The following DNAH12 variants were observed in gnomAD, a reference collection of about 807,000 sequenced individuals.
The protein encoded by DNAH12 is dynein axonemal heavy chain 12, also known as axonemal beta dynein heavy chain 12.
A neutral mutation model predicts 371.5 loss-of-function variants in DNAH12; 285 were observed. That is an observed-to-expected ratio of 0.77 (90% CI 0.70 to 0.85). The LOEUF is 0.85. Among genes scored for constraint, DNAH12 ranks in the 40% least tolerant of loss-of-function variants. The pLI, the probability that DNAH12 is intolerant of heterozygous loss-of-function variation, is 0.00. For missense variants in DNAH12, 3,611 were observed against 3,689.4 expected, an observed-to-expected ratio of 0.98 and a Z score of 0.55; for synonymous variants, 1,200 against 1,213.0, an observed-to-expected ratio of 0.99 and a Z score of 0.22.
chr3:57,352,147 G>T lies in DNAH12; in HGVS notation c.9612C>A (p.Cys3204Ter). The T allele has an allele frequency of 6.5e-7, 1 of 1,542,754 alleles. No homozygotes were observed. The highest frequency in any genetic ancestry group is 1.2e-5 in the South Asian group (1 of 80,644). Residue 3204 changes from cysteine to a stop codon, truncating the protein, a stop_gained, in exon 60 of 74, where the codon TGC becomes TGA. Transcript: ENST00000495027. LOFTEE classifies it high-confidence loss of function. The stretch of plus-strand genomic sequence containing the variant: ...GCTTGTCCTTCTCAAATAGTGATCG[G>T]CATATATTACAATATAAGTTGTATG... ...HFTYNLYCNI[C>*]RSLFEKDKLL...
intron 62 of DNAH12, among the ~76,000 whole-genome samples, chr3:57,331,874 C>T (rs1456470316): frequency 6.6e-6 from 1 of 152,072 alleles, no homozygotes; most frequent in Non-Finnish European, 1.5e-5. Flanking sequence ...TGATCGCCCT[C>T]CATATCTGAT....
rs1306646314 is a variant in DNAH12, at chr3:57,408,411, T to C, written c.6145A>G (p.Ser2049Gly). 2 of 1,551,492 alleles carry C rather than the reference T, an allele frequency of 1.3e-6. No individual in the cohort carries two copies. Among genetic ancestry groups the C allele is most frequent in the African/African-American group, 1.4e-5 (1 of 73,054 alleles). The change falls in exon 40 of 74, where the codon AGT becomes GGT. Residue 2049 changes from serine (S) to glycine (G), a missense_variant. Physicochemically the swap from Ser to Gly is moderately conservative, Grantham distance 56. Transcript: ENST00000495027. The part of the protein sequence containing the change: ...PRCIRHFNIC[S>G]INSFSDETMV... Reference sequence around the variant, plus strand: ...GTTTCATCACTAAAAGAATTAATACTGCAGATGTTGAAATGTCGAATACAA... The same window carrying C: ...GTTTCATCACTAAAAGAATTAATACCGCAGATGTTGAAATGTCGAATACAA...
At chr3:57,510,379 G>A (rs1213983118) in intron 5 of DNAH12, among the ~76,000 whole-genome samples, 3 of 151,950 alleles carry the variant, frequency 2.0e-5, no homozygotes, top group Non-Finnish European at 2.9e-5. Context: ...GTGGCTCAGC[G>A]TGTAATCCCA....
At chr3:57,437,709 T>G (rs1575599593) in intron 29 of DNAH12, among the ~76,000 whole-genome samples, 1 of 152,296 alleles carries the variant, frequency 6.6e-6, no homozygotes, top group Non-Finnish European at 1.5e-5. Context: ...GCCAAGCTGG[T>G]TCTCCCGAAC....
At chr3:57,446,302 T>C (rs1160213362) in intron 26 of DNAH12, 32 bp from the exon 27 acceptor site, 13 of 1,538,070 alleles carry the variant, frequency 8.5e-6, no homozygotes, top group Non-Finnish European at 1.1e-5. Flanking sequence ...AGTGATTTTT[T>C]TCTCAGGAAA....
intron 43 of DNAH12, chr3:57,402,309 CCTTTT>C: frequency 1.0e-6 from 1 of 1,001,614 alleles, no homozygotes; most frequent in Non-Finnish European, 1.3e-6. Flanking sequence ...GCAATTTCTC[CCTTTT>C]TTTTTTCCAC....
chr3:57,331,094 A>G (rs2062084617), intron 62 of DNAH12, among the ~76,000 whole-genome samples: 1 of 152,232 alleles, frequency 6.6e-6, no homozygotes, highest in South Asian at 2.1e-4. Flanking sequence ...ACAGAGGAAA[A>G]TAACACATGA....
At chr3:57,519,711 A>C in intron 4 of DNAH12, 2 of 1,611,280 alleles carry the variant, frequency 1.2e-6, no homozygotes, top group Non-Finnish European at 1.7e-6. Context: ...GCTGGCAGAG[A>C]GGGCAGCGAT....
intron 19 of DNAH12, among the ~76,000 whole-genome samples, chr3:57,460,717 A>T (rs73076478): frequency 0.12 from 17,833 of 152,122 alleles, 1,110 homozygotes; most frequent in South Asian, 0.15. Flanking sequence ...CAATAAATAA[A>T]TCTTCTATTT....
chr3:57,551,287 T>A, the DNAH12 span, among the ~76,000 whole-genome samples: 97 of 150,042 alleles, frequency 6.5e-4, no homozygotes, highest in African/African-American at 2.2e-3. Flanking sequence ...TTATTTATTT[T>A]TTGAGATGGA....
chr3:57,304,579 T>G (rs1232249294), intron 69 of DNAH12, among the ~76,000 whole-genome samples: 1 of 152,150 alleles, frequency 6.6e-6, no homozygotes, highest in Non-Finnish European at 1.5e-5. Flanking sequence ...AACCCAAAAC[T>G]CCGGCGCTGA....
chr3:57,423,864 G>A (rs950130012), intron 35 of DNAH12, among the ~76,000 whole-genome samples: 4 of 151,816 alleles, frequency 2.6e-5, no homozygotes, highest in Non-Finnish European at 5.9e-5. Flanking sequence ...TCAGCCTCCT[G>A]AGTAACTGGG....
intron 57 of DNAH12, among the ~76,000 whole-genome samples, chr3:57,364,757 A>C (rs965168931): frequency 6.6e-6 from 1 of 152,232 alleles, no homozygotes; most frequent in Non-Finnish European, 1.5e-5. Flanking sequence ...CAAAGAACTT[A>C]AACAAATTTA....
upstream of DNAH12, among the ~76,000 whole-genome samples, chr3:57,545,653 C>A (rs191291958): frequency 6.6e-6 from 1 of 152,140 alleles, no homozygotes; most frequent in African/African-American, 2.4e-5. Flanking sequence ...CAGAGAACCC[C>A]CAGCCCATGG....
intron 39 of DNAH12, among the ~76,000 whole-genome samples, chr3:57,412,401 G>T (rs570552701): frequency 6.6e-6 from 1 of 152,184 alleles, no homozygotes; most frequent in Non-Finnish European, 1.5e-5. Context: ...GTATGGCAAT[G>T]ACTTTTTCAG....
Position 57,445,235 on chromosome 3 carries a change from G to A in DNAH12, c.4364C>T (p.Ala1455Val). 6.4e-7 allele frequency: 1 copy of A among 1,550,928 alleles called. No individual in the cohort carries two copies. The highest frequency in any genetic ancestry group is 8.7e-7 in the Non-Finnish European group (1 of 1,146,582). ...TAGATTGCCAGCAGCCACTAAAACGGCTTTTACTGCTCGCATTCCATAGTC... is the reference window on the plus strand; with the variant it reads ...TAGATTGCCAGCAGCCACTAAAACGACTTTTACTGCTCGCATTCCATAGTC... ...HYDYGMRAVK[A>V]VLVAAGNLKL... Residue 1455 changes from alanine (A) to valine (V), a missense_variant, in exon 28 of 74, where the codon GCC (alanine) becomes GTC (valine). This residue lies in a region of DNAH12 where 2,266 missense variants were observed against 2,236.9 expected (regional missense o/e 1.01). Transcript: ENST00000495027.
At chr3:57,484,665 C>T (rs2066865939) in intron 12 of DNAH12, among the ~76,000 whole-genome samples, 1 of 151,906 alleles carries the variant, frequency 6.6e-6, no homozygotes, top group Admixed American at 6.6e-5. Context: ...AAAGCAAACA[C>T]AACAAAAACA....
chr3:57,410,527 T>C (rs2064168239), intron 39 of DNAH12, among the ~76,000 whole-genome samples: 1 of 152,062 alleles, frequency 6.6e-6, no homozygotes, highest in African/African-American at 2.4e-5. Context: ...GGCCAATTAA[T>C]AATCCTCCAG....
Position 57,301,878 on chromosome 3 carries a change from C to T in DNAH12, c.11251G>A (p.Val3751Met). The T allele has an allele frequency of 6.4e-7, 1 of 1,551,610 alleles. No homozygotes were observed. The highest frequency in any genetic ancestry group is 8.7e-7 in the Non-Finnish European group (1 of 1,146,966). Reference sequence around the variant, plus strand: ...AGTGCCTCCAATGCAGAATCCATCACAACCACACCCTTAATAGCTTTTTCA... The same window carrying T: ...AGTGCCTCCAATGCAGAATCCATCATAACCACACCCTTAATAGCTTTTTCA... ...DLEKAIKGVV[V>M]MDSALEALSG... Residue 3751 changes from valine to methionine, a missense_variant, in exon 70 of 74, where the codon GTG (valine) becomes ATG (methionine). Coordinates refer to ENST00000495027, the MANE Select transcript of DNAH12 (RefSeq NM_001366028.2).
Sources: gnomAD v4.1 joint callset for allele counts (sites outside exome capture counted in the v4.1 genomes callset) on GRCh38, gnomAD v4.1.1 for gene constraint, gnomAD v4.1.1 regional missense constraint, MANE v1.5 for transcripts, NCBI Gene and HGNC (gene_info 2026-07-23, HGNC 2026-07-21) for gene names.